TMEM255B: variants seen among roughly 807,000 people sequenced by gnomAD.
TMEM255B encodes transmembrane protein 255B.
In TMEM255B, 35 loss-of-function variants were observed where a neutral mutation model predicts 34.5. That is an observed-to-expected ratio of 1.01 (90% CI 0.77 to 1.34). The LOEUF is 1.34. Ranked by LOEUF, TMEM255B falls within the 40% of genes most tolerant of loss-of-function variation. The pLI is 0.00. For synonymous variants in TMEM255B, 206 were observed against 201.2 expected, an observed-to-expected ratio of 1.02 and a Z score of -0.20; for missense variants, 432 against 433.2, an observed-to-expected ratio of 1.00 and a Z score of 0.02.
intron 1 of TMEM255B, among the ~76,000 whole-genome samples, chr13:113,763,765 T>A (rs2050344851): frequency 6.6e-6 from 1 of 152,242 alleles, no homozygotes; most frequent in South Asian, 2.1e-4. Flanking sequence ...TTCCAACATA[T>A]ACCCACTGTC....
intron 3 of TMEM255B, among the ~76,000 whole-genome samples, chr13:113,778,414 AATG>A (rs1594130192): frequency 6.6e-6 from 1 of 152,014 alleles, no homozygotes; most frequent in African/African-American, 2.4e-5. Context: ...CACCTGCTGT[AATG>A]ATATGACGAT....
chr13:113,762,173 T>G (rs539390187), intron 1 of TMEM255B, among the ~76,000 whole-genome samples: 1 of 152,146 alleles, frequency 6.6e-6, no homozygotes, highest in Admixed American at 6.5e-5. Context: ...GAAAGCCCCT[T>G]TCTCTTGAAA....
intron 3 of TMEM255B, among the ~76,000 whole-genome samples, chr13:113,791,976 G>C (rs1210969103): frequency 1.3e-5 from 2 of 152,214 alleles, no homozygotes; most frequent in Non-Finnish European, 2.9e-5. Context: ...CCACGAGAAG[G>C]GTGCACTGCG....
intron 8 of TMEM255B, 147 bp downstream of exon 8, chr13:113,805,175 T>A (rs57673070): frequency 0.06 from 64,187 of 1,069,770 alleles, 2,456 homozygotes; most frequent in Admixed American, 0.15. Flanking sequence ...GTGACAACCC[T>A]GCCGTCAGGG....
In TMEM255B at chr13:113,770,108, C is replaced by A. The variant is rs1190487781; in HGVS notation, c.252+948C>A. Among the ~76,000 whole-genome samples, 1 of 152,178 alleles carries A rather than the reference C, an allele frequency of 6.6e-6. No homozygotes were observed. The highest frequency in any genetic ancestry group is 2.4e-5 in the African/African-American group (1 of 41,432). On this transcript the variant is annotated intron_variant, in intron 3 of 8. Transcript: ENST00000375353. The surrounding 1 kb of genome is among the most constrained non-coding windows in gnomAD (Gnocchi z 4.6). ...TGATAAAGACGTACCCAAGACTGGG[C>A]AGTTTACAAAAGAAAGAGGTTTAAT... is the stretch of plus-strand genomic sequence containing the variant.
intron 3 of TMEM255B, among the ~76,000 whole-genome samples, chr13:113,785,325 A>T (rs1055443304): frequency 6.6e-6 from 1 of 152,194 alleles, no homozygotes; most frequent in Non-Finnish European, 1.5e-5. Context: ...TTGCCTTCTG[A>T]TTTCCACCTG....
intron 3 of TMEM255B, among the ~76,000 whole-genome samples, chr13:113,786,971 C>T (rs1008169342): frequency 2.0e-5 from 3 of 152,212 alleles, no homozygotes; most frequent in African/African-American, 7.2e-5. Context: ...ATGGGGCATG[C>T]CTTCACACAG....
intron 2 of TMEM255B, among the ~76,000 whole-genome samples, chr13:113,766,747 C>T (rs1244129150): frequency 6.6e-6 from 1 of 152,140 alleles, no homozygotes; most frequent in Non-Finnish European, 1.5e-5. Context: ...ACCAAGAAGC[C>T]GTGGGTCAAA....
At chr13:113,779,015 AAGGTATTTAAGGATTT>A (rs1326495662) in intron 3 of TMEM255B, among the ~76,000 whole-genome samples, 1 of 152,180 alleles carries the variant, frequency 6.6e-6, no homozygotes, top group Non-Finnish European at 1.5e-5. Flanking sequence ...TTACAGACTA[AAGGTATTTAAGGATTT>A]AGGAAGGGGA....
At position 113,770,200 on chromosome 13, in the gene TMEM255B, C is replaced by A. The variant is rs145330191; in HGVS notation, c.252+1040C>A. Among the ~76,000 whole-genome samples, 1,157 of 152,278 alleles carry A rather than the reference C, an allele frequency of 7.6e-3. 11 individuals carry two copies. The highest frequency in any genetic ancestry group is 0.014 in the Non-Finnish European group (926 of 68,020). On this transcript the variant is annotated intron_variant, in intron 3 of 8. Transcript: ENST00000375353. This position sits in a 1 kb window ranked among gnomAD's most constrained non-coding sequence, Gnocchi z 4.6. ...CGGCGGAAGGTAAGGAGGAGCAAGT[C>A]CTGTCTTACGTGGATGGCAGCAGGC...
chr13:113,769,315 C>T lies in TMEM255B; in HGVS notation c.252+155C>T, dbSNP rs1482489461. Reference sequence around the variant, plus strand: ...TTCCCGGGCTGTGGCCTGCACAGTCCTGGATACAGGGTTCAGCGAGTACCA... The same window carrying T: ...TTCCCGGGCTGTGGCCTGCACAGTCTTGGATACAGGGTTCAGCGAGTACCA... On this transcript the variant is annotated intron_variant, in intron 3 of 8. Transcript: ENST00000375353. The surrounding 1 kb of genome is among the most constrained non-coding windows in gnomAD (Gnocchi z 4.2). 1.3e-5 allele frequency among the ~76,000 whole-genome samples: 2 copies of T among 152,156 alleles called. No individual in the cohort carries two copies. The highest frequency in any genetic ancestry group is 2.9e-5 in the Non-Finnish European group (2 of 68,038).
Position 113,801,684 on chromosome 13 carries a change from A to G in TMEM255B, c.541A>G (p.Ile181Val). 4 of 1,612,490 alleles carry G rather than the reference A, an allele frequency of 2.5e-6. No individual in the cohort carries two copies. The highest frequency in any genetic ancestry group is 3.4e-6 in the Non-Finnish European group (4 of 1,179,270). ...GCCCTCGCCCGCCTACTATGAGTTC[A>G]TCGGCGTCAGCGGCTGCCAGGACGT... ...AEPSPAYYEF[I>V]GVSGCQDVLH... The change falls in exon 7 of 9, where the codon ATC becomes GTC. Residue 181 changes from isoleucine (I) to valine (V), a missense_variant. Physicochemically the swap from Ile to Val is conservative, Grantham distance 29 (BLOSUM62 3). Coordinates refer to ENST00000375353, the MANE Select transcript of TMEM255B (RefSeq NM_182614.4).
intron 7 of TMEM255B, 92 bp from the exon 8 acceptor site, chr13:113,804,790 CGGG>C: frequency 8.7e-7 from 1 of 1,154,650 alleles, no homozygotes. Flanking sequence ...GCCTGAGAGT[CGGG>C]GGTCGAGGGT....
intron 7 of TMEM255B, among the ~76,000 whole-genome samples, chr13:113,804,177 T>G (rs1204784348): frequency 6.6e-6 from 1 of 152,160 alleles, no homozygotes; most frequent in Non-Finnish European, 1.5e-5. Flanking sequence ...CCTCCCTCTG[T>G]AGGGGATGAG....
At position 113,814,520 on chromosome 13, in the gene TMEM255B, T is replaced by C. The variant is rs1409555155; in HGVS notation, c.*2617T>C. The stretch of plus-strand genomic sequence containing the variant: ...TCCCAGCCACAAAGAATGTGAACAA[T>C]TTGACTCAAGGTTCGTGGTGGCTGG... On this transcript the variant is annotated 3_prime_UTR_variant, in exon 9 of 9. Coordinates refer to ENST00000375353, the MANE Select transcript of TMEM255B (RefSeq NM_182614.4). The C allele has an allele frequency of 1.3e-5, 2 of 152,218 alleles. No homozygotes were observed. The highest frequency in any genetic ancestry group is 3.9e-4 in the East Asian group (2 of 5,178). The allele number at this position is 152,218 out of a possible 1,614,324, so 9.4% of individuals were successfully genotyped here.
chr13:113,761,080 C>T lies in TMEM255B; in HGVS notation c.46+1765C>T, dbSNP rs139650712. On this transcript the variant is annotated intron_variant, in intron 1 of 8. Coordinates refer to ENST00000375353, the MANE Select transcript of TMEM255B (RefSeq NM_182614.4). ...ACCCTGGGCATGTGTAAAATCAGGA[C>T]GAAAGAGGAATTGACGGCTGAGTGA... 1.8e-4 allele frequency: 122 copies of T among 660,542 alleles called. 1 individual carries two copies. The East Asian group carries it at 4.7e-3, about 25-fold the overall frequency. 40.9% of individuals were successfully genotyped at this position (660,542 alleles called of 1,614,324 possible). A position where few individuals can be genotyped will look rare whatever the true frequency, so the allele number is the denominator to read the frequency against.
intron 1 of TMEM255B, among the ~76,000 whole-genome samples, chr13:113,764,750 G>A (rs573906061): frequency 6.6e-6 from 1 of 152,344 alleles, no homozygotes; most frequent in Admixed American, 6.5e-5. Flanking sequence ...ACAGGGGTGA[G>A]TGTGGCTACT....
chr13:113,780,353 C>T (rs1408507553), intron 3 of TMEM255B, among the ~76,000 whole-genome samples: 5 of 152,206 alleles, frequency 3.3e-5, no homozygotes, highest in African/African-American at 1.2e-4. Context: ...TCTTATTGCA[C>T]TTATGCAAAT....
chr13:113,764,885 A>T (rs1291147484), intron 1 of TMEM255B, among the ~76,000 whole-genome samples: 1 of 152,206 alleles, frequency 6.6e-6, no homozygotes, highest in Non-Finnish European at 1.5e-5. Flanking sequence ...CTAAGGAGGC[A>T]GGAGATGGGG....
Sources: gnomAD v4.1 joint callset for allele counts (sites outside exome capture counted in the v4.1 genomes callset) on GRCh38, gnomAD v4.1.1 for gene constraint, Gnocchi (gnomAD v3.1) non-coding constraint, MANE v1.5 for transcripts, NCBI Gene and HGNC (gene_info 2026-07-23, HGNC 2026-07-21) for gene names.